Variants in C8orf34 observed in about 807,000 individuals in gnomAD.
The protein encoded by C8orf34 is uncharacterized protein C8orf34.
Under a neutral mutation model 68.3 loss-of-function variants are expected in C8orf34, and 65 were observed. That is an observed-to-expected ratio of 0.95 (90% CI 0.78 to 1.17). The LOEUF is 1.17. C8orf34 is among the 50% of genes most tolerant of loss of function. The pLI is 0.00. For missense variants in C8orf34, 664 were observed against 655.4 expected (o/e 1.01, Z -0.14); for synonymous variants, 244 against 241.2 (o/e 1.01, Z -0.11).
chr8:68,672,178 G>A (rs1038844918), intron 8 of C8orf34, among the ~76,000 whole-genome samples: 2 of 147,956 alleles, frequency 1.4e-5, no homozygotes, highest in African/African-American at 5.0e-5. Flanking sequence ...AGGCAAGGGG[G>A]AAGGATTTAG....
intron 8 of C8orf34, among the ~76,000 whole-genome samples, chr8:68,645,290 C>T (rs926412244): frequency 2.0e-5 from 3 of 151,936 alleles, no homozygotes; most frequent in Non-Finnish European, 4.4e-5. Flanking sequence ...TAACTAGAAA[C>T]AACACAGTTT....
chr8:68,584,393 C>A (rs979096568), intron 7 of C8orf34, among the ~76,000 whole-genome samples: 4 of 152,208 alleles, frequency 2.6e-5, no homozygotes, highest in Non-Finnish European at 5.9e-5. Flanking sequence ...TATCCACTCT[C>A]CTCAGTAGGT....
intron 8 of C8orf34, among the ~76,000 whole-genome samples, chr8:68,670,791 ATCTG>A (rs1819985797): frequency 6.6e-6 from 1 of 152,096 alleles, no homozygotes; most frequent in South Asian, 2.1e-4. Flanking sequence ...TTCTCTATTT[ATCTG>A]TCTATTGTCA....
At chr8:68,349,616 T>C (rs1806426066) in intron 1 of C8orf34, among the ~76,000 whole-genome samples, 1 of 152,036 alleles carries the variant, frequency 6.6e-6, no homozygotes, top group South Asian at 2.1e-4. Context: ...AGGCTTTTTT[T>C]AGTTGGTAGG....
At chr8:68,737,960 C>T (rs1186545716) in intron 10 of C8orf34, among the ~76,000 whole-genome samples, 1 of 152,138 alleles carries the variant, frequency 6.6e-6, no homozygotes, top group Non-Finnish European at 1.5e-5. Context: ...CATCCCAAAA[C>T]AACAGAATAT....
At chr8:68,379,528 C>A (rs1807943936) in intron 1 of C8orf34, among the ~76,000 whole-genome samples, 1 of 152,186 alleles carries the variant, frequency 6.6e-6, no homozygotes, top group African/African-American at 2.4e-5. Flanking sequence ...TTTATTGTTG[C>A]TACTCTTGTT....
chr8:68,421,888 C>T (rs566361498), intron 1 of C8orf34, among the ~76,000 whole-genome samples: 2 of 152,260 alleles, frequency 1.3e-5, no homozygotes, highest in South Asian at 2.1e-4. Context: ...GGCACCTCTT[C>T]ACAAGGTAGG....
intron 7 of C8orf34, among the ~76,000 whole-genome samples, chr8:68,600,860 TC>T (rs1817677395): frequency 6.6e-6 from 1 of 152,160 alleles, no homozygotes; most frequent in Non-Finnish European, 1.5e-5. Context: ...TAGAACTTGC[TC>T]CTTCCATCTA....
chr8:68,790,456 A>G (rs1823961942), intron 12 of C8orf34, among the ~76,000 whole-genome samples: 1 of 152,218 alleles, frequency 6.6e-6, no homozygotes, highest in African/African-American at 2.4e-5. Context: ...ATCTTGGCAG[A>G]TAGCTTCCAA....
chr8:68,400,555 T>C (rs1412046198), intron 1 of C8orf34, among the ~76,000 whole-genome samples: 2 of 152,054 alleles, frequency 1.3e-5, no homozygotes, highest in African/African-American at 2.4e-5. Context: ...ATGTGTCTGT[T>C]TGTCTGTTTA....
intron 6 of C8orf34, chr8:68,525,724 A>G (rs1056454158): frequency 3.1e-6 from 2 of 645,918 alleles, no homozygotes; most frequent in Non-Finnish European, 5.8e-6. Context: ...TGAGGTTCAC[A>G]ACAATCTTCC....
rs1206842435 is a variant in C8orf34 at position 68,335,404 on chromosome 8, A to T, written c.327+4065A>T. Among the ~76,000 whole-genome samples the T allele has an allele frequency of 4.6e-5, 7 of 152,280 alleles. No homozygotes were observed. In the East Asian group the frequency reaches 1.4e-3, roughly 29 times the overall value. ...TATTGTAAATATATTTTTTGGAGTA[A>T]TGATTGTCAGGTGATCTTCCCCAGT... is the stretch of plus-strand genomic sequence containing the variant. On this transcript the variant is annotated intron_variant, in intron 1 of 13. Coordinates refer to ENST00000518698, the MANE Select transcript of C8orf34 (RefSeq NM_052958.4).
chr8:68,768,711 C>T (rs922102784), intron 10 of C8orf34, among the ~76,000 whole-genome samples: 1 of 152,090 alleles, frequency 6.6e-6, no homozygotes, highest in African/African-American at 2.4e-5. Flanking sequence ...CATTCTCTTG[C>T]AATTTGTAAG....
chr8:68,790,798 C>G, intron 12 of C8orf34: 1 of 692,330 alleles, frequency 1.4e-6, no homozygotes, highest in Non-Finnish European at 2.6e-6. Context: ...CACTCATATT[C>G]TGGGACTCTA....
chr8:68,497,698 T>C (rs925078310), intron 5 of C8orf34, among the ~76,000 whole-genome samples: 1 of 152,122 alleles, frequency 6.6e-6, no homozygotes, highest in Non-Finnish European at 1.5e-5. Flanking sequence ...GATATCTCTA[T>C]GGATTAAGGA....
intron 10 of C8orf34, among the ~76,000 whole-genome samples, chr8:68,732,566 CTT>C (rs1411014580): frequency 1.3e-5 from 2 of 151,882 alleles, no homozygotes; most frequent in East Asian, 3.9e-4. Context: ...CAATTTTTCT[CTT>C]GTCTTTTAAT....
At chr8:68,760,088 T>A (rs1392504771) in intron 10 of C8orf34, among the ~76,000 whole-genome samples, 1 of 152,082 alleles carries the variant, frequency 6.6e-6, no homozygotes, top group Non-Finnish European at 1.5e-5. Context: ...AGAAATAGCT[T>A]CCTGGAGAAG....
chr8:68,739,095 C>T (rs1186280409), intron 10 of C8orf34, among the ~76,000 whole-genome samples: 4 of 152,112 alleles, frequency 2.6e-5, no homozygotes, highest in Middle Eastern at 6.8e-3. Context: ...AAGCTTACCA[C>T]AATCAAGTGG....
chr8:68,356,856 C>T (rs1300581548), intron 1 of C8orf34, among the ~76,000 whole-genome samples: 7 of 151,930 alleles, frequency 4.6e-5, no homozygotes, highest in Non-Finnish European at 1.0e-4. Context: ...AGGTATAGCC[C>T]AGCGAATATA....
Sources: gnomAD v4.1 joint callset for allele counts (sites outside exome capture counted in the v4.1 genomes callset) on GRCh38, gnomAD v4.1.1 for gene constraint, MANE v1.5 for transcripts, NCBI Gene and HGNC (gene_info 2026-07-23, HGNC 2026-07-21) for gene names.